The following DNTT variants were observed in gnomAD, a reference collection of about 807,000 sequenced individuals.
DNTT encodes the protein DNA nucleotidylexotransferase.
Under a neutral mutation model 60.9 loss-of-function variants are expected in DNTT, and 47 were observed. The observed-to-expected ratio is 0.77, with a 90% CI of 0.61 to 0.98. The LOEUF (loss-of-function observed/expected upper bound fraction) is 0.98, where lower values mean the gene tolerates loss of function less well. Among genes scored for constraint, DNTT ranks in the 50% least tolerant of loss-of-function variants. The probability of loss-of-function intolerance (pLI) is 0.00; values close to 1 mark genes in which losing one functional copy is unlikely to be tolerated. For missense variants in DNTT, 665 were observed against 627.5 expected, an observed-to-expected ratio of 1.06 and a Z score of -0.64; for synonymous variants, 224 against 221.2, an observed-to-expected ratio of 1.01 and a Z score of -0.11.
chr10:96,311,886 C>T (rs1032780876), intron 1 of DNTT, among the ~76,000 whole-genome samples: 1 of 152,210 alleles, frequency 6.6e-6, no homozygotes, highest in African/African-American at 2.4e-5. Flanking sequence ...TCAAGTGATT[C>T]GCCCACCTGG....
chr10:96,318,417 C>G lies in DNTT; in HGVS notation c.269C>G (p.Ala90Gly). 1.2e-6 allele frequency: 2 copies of G among 1,613,818 alleles called. No homozygotes were observed. The highest frequency in any genetic ancestry group is 1.7e-6 in the Non-Finnish European group (2 of 1,179,820). The change falls in exon 2 of 11, where the codon GCA becomes GGA. Residue 90 changes from alanine to glycine, a missense_variant. Transcript: ENST00000371174. ...SGSDVLEWLQ[A>G]QKVQVSSQPE... The stretch of plus-strand genomic sequence containing the variant: ...TCGGATGTTCTGGAGTGGCTTCAAG[C>G]ACAGAAAGTACAAGTCAGCTCACAA...
intron 1 of DNTT, among the ~76,000 whole-genome samples, chr10:96,307,054 AT>A (rs1328565364): frequency 6.6e-6 from 1 of 152,246 alleles, no homozygotes. Flanking sequence ...TAAATGGCCT[AT>A]CTGATGTGAT....
chr10:96,305,608 T>C (rs1478950322), intron 1 of DNTT, among the ~76,000 whole-genome samples: 1 of 152,140 alleles, frequency 6.6e-6, no homozygotes. Context: ...AAGAAATAAA[T>C]TGACCACAAA....
chr10:96,324,438 G>A (rs375161468), intron 6 of DNTT, 49 bp downstream of exon 6: 309 of 1,606,484 alleles, frequency 1.9e-4, no homozygotes, highest in African/African-American at 6.8e-4. Flanking sequence ...TGGTCGGGTC[G>A]TGGTGGAGCT....
intron 1 of DNTT, among the ~76,000 whole-genome samples, chr10:96,317,700 C>A (rs1227108243): frequency 6.6e-6 from 1 of 152,184 alleles, no homozygotes; most frequent in African/African-American, 2.4e-5. Context: ...TGTGAGGACA[C>A]ACAGTGGGTG....
rs777636028 is a variant in DNTT, at chr10:96,332,444, T to G, written c.1207T>G (p.Cys403Gly). 8.7e-6 allele frequency: 14 copies of G among 1,614,060 alleles called. No homozygotes were observed. The highest frequency in any genetic ancestry group is 1.0e-5 in the Non-Finnish European group (12 of 1,180,018). ...KVDALDHFQKCFLIFKLPRQR... is the reference protein window; with the variant it reads ...KVDALDHFQKGFLIFKLPRQR... ...TGATGCTTTGGATCATTTTCAAAAG[T>G]GCTTTCTGATTTTCAAATTGCCTCG... The change falls in exon 9 of 11, where the codon TGC becomes GGC. Residue 403 changes from cysteine to glycine, a missense_variant. Transcript: ENST00000371174.
chr10:96,336,087 T>C, intron 10 of DNTT, 113 bp downstream of exon 10: 1 of 1,033,926 alleles, frequency 9.7e-7, no homozygotes. Flanking sequence ...TTGTCATGCG[T>C]GTTCTATTTC....
chr10:96,315,695 C>T (rs1363751736), intron 1 of DNTT, among the ~76,000 whole-genome samples: 5 of 151,588 alleles, frequency 3.3e-5, no homozygotes, highest in Non-Finnish European at 7.4e-5. Flanking sequence ...TTCTCCCTCT[C>T]AGGGTTAGGT....
At chr10:96,315,974 T>C (rs764167363) in intron 1 of DNTT, among the ~76,000 whole-genome samples, 2 of 152,154 alleles carry the variant, frequency 1.3e-5, no homozygotes, top group Non-Finnish European at 2.9e-5. Context: ...TATTTCTGTT[T>C]AGGCACATCC....
intron 3 of DNTT, 44 bp from the exon 4 acceptor site, chr10:96,320,574 G>A (rs1333440193): frequency 2.5e-6 from 4 of 1,605,164 alleles, no homozygotes; most frequent in African/African-American, 1.3e-5. Context: ...ACTGGCTCAG[G>A]GGCTTGGAAG....
chr10:96,312,357 C>T (rs188490506), intron 1 of DNTT, among the ~76,000 whole-genome samples: 36 of 152,264 alleles, frequency 2.4e-4, no homozygotes, highest in Admixed American at 9.2e-4. Context: ...CTGATTCAAC[C>T]AGTAAGGTAC....
chr10:96,308,743 C>T (rs992359701), intron 1 of DNTT, among the ~76,000 whole-genome samples: 3 of 152,022 alleles, frequency 2.0e-5, no homozygotes, highest in Non-Finnish European at 2.9e-5. Context: ...TTGGGATAGG[C>T]GGTGGAGTTA....
chr10:96,324,352 G>A lies in DNTT; in HGVS notation c.837G>A (p.Ser279=), dbSNP rs377749459. Residue 279 remains serine (S), a synonymous_variant, in exon 6 of 11, where the codon TCG becomes TCA. Coordinates refer to ENST00000371174, the MANE Select transcript of DNTT (RefSeq NM_004088.4). ...MGFRTLSKVR[S]DKSLKFTRMQ... Reference sequence around the variant, plus strand: ...TCAGAACTCTGAGTAAAGTAAGGTCGGACAAAAGCCTGAAATTTACACGAA... The same window carrying A: ...TCAGAACTCTGAGTAAAGTAAGGTCAGACAAAAGCCTGAAATTTACACGAA... 2.2e-5 allele frequency: 36 copies of A among 1,613,694 alleles called. No individual in the cohort carries two copies. The highest frequency in any genetic ancestry group is 2.7e-5 in the African/African-American group (2 of 74,860).
In DNTT at chr10:96,328,736, T is replaced by C. The variant is rs1270657014; in HGVS notation, c.1019T>C (p.Met340Thr). 7 of 1,612,748 alleles carry C rather than the reference T, an allele frequency of 4.3e-6. No homozygotes were observed. In the South Asian group the frequency reaches 7.7e-5, roughly 18 times the overall value. ...MTGGFRRGKKMGHDVDFLITS... is the reference protein window; with the variant it reads ...MTGGFRRGKKTGHDVDFLITS... ...CTTTTGAAAATTAGGGGTAAGAAGA[T>C]GGGGCATGATGTAGATTTTTTAATT... is the stretch of plus-strand genomic sequence containing the variant. The change falls in exon 8 of 11, where the codon ATG becomes ACG. Residue 340 changes from methionine (M) to threonine (T), a missense_variant. Met to Thr is a moderately conservative substitution (Grantham distance 81). Transcript: ENST00000371174.
At chr10:96,317,190 T>G (rs1052124211) in intron 1 of DNTT, among the ~76,000 whole-genome samples, 3 of 152,086 alleles carry the variant, frequency 2.0e-5, no homozygotes, top group African/African-American at 7.3e-5. Flanking sequence ...AAATAACATA[T>G]CTGGCCCAGA....
At chr10:96,314,913 T>C (rs1323801625) in intron 1 of DNTT, among the ~76,000 whole-genome samples, 1 of 152,032 alleles carries the variant, frequency 6.6e-6, no homozygotes, top group East Asian at 1.9e-4. Flanking sequence ...TGCCACAAGA[T>C]AGTGATAAGA....
chr10:96,320,498 C>G, intron 3 of DNTT, 120 bp from the exon 4 acceptor site: 1 of 1,176,814 alleles, frequency 8.5e-7, no homozygotes. Flanking sequence ...CCATCCTGAC[C>G]TAGAAGGAAA....
At position 96,314,570 on chromosome 10, in the gene DNTT, G is replaced by A. The variant is rs560637456; in HGVS notation, c.204-3782G>A. 2.3e-4 allele frequency among the ~76,000 whole-genome samples: 34 copies of A among 150,162 alleles called. No homozygotes were observed. The South Asian group carries it at 5.3e-3, about 23-fold the overall frequency. On this transcript the variant is annotated intron_variant, in intron 1 of 10. Transcript: ENST00000371174. ...TGGGACTACAGGCGCGTTCCACCAC[G>A]CCCAGCTAATTTTTTGTATTTTTAG...
At chr10:96,306,308 G>A (rs1008824709) in intron 1 of DNTT, among the ~76,000 whole-genome samples, 2 of 152,016 alleles carry the variant, frequency 1.3e-5, no homozygotes, top group African/African-American at 2.4e-5. Context: ...TGACCAGGAT[G>A]GTCTCTATCT....
Sources: gnomAD v4.1 joint callset for allele counts (sites outside exome capture counted in the v4.1 genomes callset) on GRCh38, gnomAD v4.1.1 for gene constraint, MANE v1.5 for transcripts, NCBI Gene and HGNC (gene_info 2026-07-23, HGNC 2026-07-21) for gene names.